MYO6: variants seen among roughly 807,000 people sequenced by gnomAD.
MYO6 encodes myosin VI.
MYO6 carries 74 observed loss-of-function variants against 178.7 expected under a neutral mutation model. The ratio of observed to expected loss-of-function variants is 0.41; its 90% CI spans 0.34 to 0.50. The LOEUF is 0.50. Among genes scored for constraint, MYO6 ranks in the 20% least tolerant of loss-of-function variants. MYO6 has a pLI of 0.09. For synonymous variants in MYO6, 477 were observed against 504.6 expected, an observed-to-expected ratio of 0.95 and a Z score of 0.73; for missense variants, 1,330 against 1,547.4, an observed-to-expected ratio of 0.86 and a Z score of 2.36.
chr6:75,911,212 T>G (rs1780732372), intron 32 of MYO6, among the ~76,000 whole-genome samples: 1 of 152,012 alleles, frequency 6.6e-6, no homozygotes, highest in African/African-American at 2.4e-5. Flanking sequence ...GGCATGAGTT[T>G]AAGATTTAGA....
chr6:75,883,259 C>T (rs1295868646), intron 23 of MYO6, among the ~76,000 whole-genome samples: 1 of 151,124 alleles, frequency 6.6e-6, no homozygotes, highest in Admixed American at 6.6e-5. Flanking sequence ...ACACCCAAAA[C>T]TAAAAAGGAA....
intron 6 of MYO6, 121 bp downstream of exon 6, chr6:75,833,068 C>T: frequency 1.4e-6 from 1 of 714,250 alleles, no homozygotes; most frequent in Non-Finnish European, 2.5e-6. Flanking sequence ...CTCACTGTAG[C>T]CTTGACCTCC....
At chr6:75,878,415 G>A (rs376775254) in intron 20 of MYO6, among the ~76,000 whole-genome samples, 63 of 152,100 alleles carry the variant, frequency 4.1e-4, no homozygotes, top group African/African-American at 1.3e-3. Context: ...TAGATTTACC[G>A]AGCCAAAGGG....
chr6:75,807,386 T>A (rs1470166072), intron 1 of MYO6, among the ~76,000 whole-genome samples: 2 of 152,176 alleles, frequency 1.3e-5, no homozygotes, highest in Non-Finnish European at 2.9e-5. Flanking sequence ...ATCATGTCTT[T>A]TGGTTCTGGT....
intron 20 of MYO6, 42 bp from the exon 21 acceptor site, chr6:75,879,778 G>T: frequency 6.2e-7 from 1 of 1,613,830 alleles, no homozygotes; most frequent in South Asian, 1.1e-5. Context: ...TTGGACTTCC[G>T]AACAGTGATT....
intron 31 of MYO6, 80 bp from the exon 32 acceptor site, chr6:75,908,416 G>C: frequency 1.4e-6 from 2 of 1,386,782 alleles, no homozygotes; most frequent in Non-Finnish European, 2.0e-6. Flanking sequence ...ATCTCCTTAT[G>C]CGACAGAATA....
intron 1 of MYO6, among the ~76,000 whole-genome samples, chr6:75,814,601 C>A (rs74740066): frequency 4.0e-4 from 61 of 152,224 alleles, no homozygotes; most frequent in African/African-American, 1.4e-3. Flanking sequence ...GTGGCTCACG[C>A]CTGTAATCCC....
rs950917818 is a variant in MYO6 at position 75,915,255 on chromosome 6, C to T, written c.*243C>T. 7 of 539,134 alleles carry T rather than the reference C, an allele frequency of 1.3e-5. No individual in the cohort carries two copies. Among genetic ancestry groups the T allele is most frequent in the Non-Finnish European group, 2.3e-5 (7 of 299,428 alleles). 33.4% of individuals were successfully genotyped at this position (539,134 alleles called of 1,614,324 possible). On this transcript the variant is annotated 3_prime_UTR_variant, in exon 35 of 35. Coordinates refer to ENST00000369977, the MANE Select transcript of MYO6 (RefSeq NM_004999.4). ...AACTCTCATTATTCTCTAACTATTA[C>T]ACATGGGCATATTCTGATGTTTCTC...
intron 23 of MYO6, among the ~76,000 whole-genome samples, chr6:75,884,497 G>T (rs764625188): frequency 6.6e-6 from 1 of 152,176 alleles, no homozygotes; most frequent in Admixed American, 6.5e-5. Context: ...TATTGTAACT[G>T]CCCAGTGGGT....
rs12660330 is a variant in MYO6, at chr6:75,823,374, C to T, written c.187+523C>T. Among the ~76,000 whole-genome samples, 2,003 of 152,152 alleles carry T rather than the reference C, an allele frequency of 0.013. 76 individuals are homozygous for T. In the East Asian group the frequency reaches 0.15, roughly 11 times the overall value. ...CATGTTTGATGAAAAAAGCTCTTCT[C>T]GATGGAACAGGCCAATGTTTATTCT... On this transcript the variant is annotated intron_variant, in intron 3 of 34. Coordinates refer to ENST00000369977, the MANE Select transcript of MYO6 (RefSeq NM_004999.4).
At chr6:75,796,138 T>TC (rs1354908132) in intron 1 of MYO6, among the ~76,000 whole-genome samples, 2 of 152,348 alleles carry the variant, frequency 1.3e-5, no homozygotes, top group East Asian at 1.9e-4. Context: ...GGTGCTTTTT[T>TC]CCCACATCAT....
rs1029725831 is a variant in MYO6, at chr6:75,897,285, C to T, written c.3138-1088C>T. ...AAATCTGCTGCATTTAAAAGTGAGA[C>T]GATTCTGAGAAACTACTAGCTTGAA... On this transcript the variant is annotated intron_variant, in intron 29 of 34. Coordinates refer to ENST00000369977, the MANE Select transcript of MYO6 (RefSeq NM_004999.4). 4.6e-5 allele frequency among the ~76,000 whole-genome samples: 7 copies of T among 152,122 alleles called. No individual in the cohort carries two copies. The East Asian group carries it at 5.8e-4, about 13-fold the overall frequency.
chr6:75,911,326 T>C (rs1780741796), intron 32 of MYO6, among the ~76,000 whole-genome samples: 1 of 152,000 alleles, frequency 6.6e-6, no homozygotes, highest in African/African-American at 2.4e-5. Context: ...TCTATGAAAA[T>C]TCTAGTAATG....
Position 75,866,276 on chromosome 6 carries a change from T to TGTGTGTGTGTGG in MYO6, c.1675-239_1675-238insGGTGTGTGTGTG, listed in dbSNP as rs776972671. Among the ~76,000 whole-genome samples the TGTGTGTGTGTGG allele has an allele frequency of 5.9e-3, 391 of 66,032 alleles. 2 individuals carry two copies. Among genetic ancestry groups the TGTGTGTGTGTGG allele is most frequent in the East Asian group, 0.023 (42 of 1,850 alleles). The allele number at this position is 66,032 out of a possible 152,430, so 43.3% of individuals were successfully genotyped here. ...TTCTCTCCGTCTCTGTCTCTGTCTC[T>TGTGTGTGTGTGG]GTGTGTGTGTGTGTGTGTGTGTGTG... On this transcript the variant is annotated intron_variant, in intron 16 of 34. Transcript: ENST00000369977.
intron 12 of MYO6, 63 bp downstream of exon 12, chr6:75,855,346 A>C: frequency 6.5e-7 from 1 of 1,530,090 alleles, no homozygotes; most frequent in Non-Finnish European, 9.0e-7. Flanking sequence ...GGAAAAACAT[A>C]AGTTACATTC....
At chr6:75,892,951 A>C (rs557784115) in intron 28 of MYO6, among the ~76,000 whole-genome samples, 13 of 152,286 alleles carry the variant, frequency 8.5e-5, no homozygotes, top group African/African-American at 3.1e-4. Flanking sequence ...AAAATATATC[A>C]ACCTTTACCC....
chr6:75,877,428 G>A (rs1400704194), intron 20 of MYO6, among the ~76,000 whole-genome samples: 1 of 151,666 alleles, frequency 6.6e-6, no homozygotes, highest in African/African-American at 2.4e-5. Context: ...CACCACACCC[G>A]GCTAATTCTT....
At chr6:75,751,212 C>T (rs1044609683) in intron 1 of MYO6, among the ~76,000 whole-genome samples, 21 of 152,264 alleles carry the variant, frequency 1.4e-4, no homozygotes, top group East Asian at 9.6e-4. Flanking sequence ...TTTTACGTTA[C>T]GCAGGAATTG....
At chr6:75,881,938 G>A (rs1263325413) in intron 23 of MYO6, 120 bp downstream of exon 23, 2 of 1,145,344 alleles carry the variant, frequency 1.7e-6, no homozygotes, top group Non-Finnish European at 2.6e-6. Context: ...TTCACACTGG[G>A]TCCCAGGTTC....
Sources: allele counts gnomAD v4.1 joint callset (sites outside exome capture counted in the v4.1 genomes callset), GRCh38; gene constraint gnomAD v4.1.1; transcripts MANE v1.5; gene names NCBI Gene and HGNC (gene_info 2026-07-23, HGNC 2026-07-21).